GDA: variants seen among roughly 807,000 people sequenced by gnomAD.
GDA encodes the protein guanine deaminase.
GDA carries 18 observed loss-of-function variants against 59.6 expected under a neutral mutation model. The observed-to-expected ratio is 0.30, with a 90% CI of 0.21 to 0.45. GDA has a LOEUF of 0.45. GDA is among the 20% of genes least tolerant of loss of function. The pLI is 1.00. For synonymous variants in GDA, 201 were observed against 201.1 expected, an observed-to-expected ratio of 1.00 and a Z score of 0.00; for missense variants, 427 against 552.3, an observed-to-expected ratio of 0.77 and a Z score of 2.27.
intron 1 of GDA, among the ~76,000 whole-genome samples, chr9:72,154,549 G>A (rs1827663387): frequency 6.6e-6 from 1 of 152,154 alleles, no homozygotes; most frequent in South Asian, 2.1e-4. Context: ...TATTCTCACT[G>A]CTTATGTCAT....
At chr9:72,226,559 A>G (rs1352945145) in intron 8 of GDA, among the ~76,000 whole-genome samples, 1 of 152,206 alleles carries the variant, frequency 6.6e-6, no homozygotes, top group Non-Finnish European at 1.5e-5. Context: ...CCTCATTACA[A>G]TAATGTACTA....
In GDA at chr9:72,139,699, C is replaced by T. The variant is rs112750768; in HGVS notation, c.-100+24866C>T. 2.7e-3 allele frequency among the ~76,000 whole-genome samples: 408 copies of T among 152,218 alleles called. 1 individual carries two copies. Among genetic ancestry groups the T allele is most frequent in the Non-Finnish European group, 4.9e-3 (335 of 67,998 alleles). On this transcript the variant is annotated intron_variant, in intron 1 of 13. Transcript: ENST00000545168. ...CCATTATTCATTTCATCTTTTTACCCTTCCTCCTGTGATTCTTAGTGTGAG... is the reference window on the plus strand; with the variant it reads ...CCATTATTCATTTCATCTTTTTACCTTTCCTCCTGTGATTCTTAGTGTGAG...
At chr9:72,172,285 G>A (rs1304194247) in intron 1 of GDA, among the ~76,000 whole-genome samples, 2 of 151,376 alleles carry the variant, frequency 1.3e-5, no homozygotes, top group Admixed American at 1.3e-4. Context: ...GTCTGATTTT[G>A]CTAGAAAAAT....
intron 1 of GDA, among the ~76,000 whole-genome samples, chr9:72,149,954 G>A (rs973153369): frequency 6.6e-6 from 1 of 152,218 alleles, no homozygotes; most frequent in Admixed American, 6.5e-5. Flanking sequence ...AGAGCCGGGA[G>A]CAAGGATGTC....
At chr9:72,188,174 G>A (rs777431124) in intron 1 of GDA, among the ~76,000 whole-genome samples, 3 of 152,202 alleles carry the variant, frequency 2.0e-5, no homozygotes, top group Non-Finnish European at 4.4e-5. Flanking sequence ...ATTCTAGTGT[G>A]GAACCAAGAG....
intron 1 of GDA, among the ~76,000 whole-genome samples, chr9:72,154,885 A>G (rs371739918): frequency 2.8e-4 from 42 of 152,310 alleles, no homozygotes; most frequent in African/African-American, 9.6e-4. Flanking sequence ...CTCATTCCTG[A>G]GCCAAACACT....
chr9:72,246,152 T>C (rs1440415678), intron 12 of GDA, among the ~76,000 whole-genome samples: 4 of 152,216 alleles, frequency 2.6e-5, no homozygotes, highest in Admixed American at 2.6e-4. Flanking sequence ...ATTTATTTAA[T>C]ATAAATTTTT....
downstream of GDA, chr9:72,257,676 C>G (rs1422748329): frequency 1.3e-5 from 2 of 152,662 alleles, no homozygotes; most frequent in African/African-American, 4.8e-5. Context: ...AATCCCAACA[C>G]TTTGGGAGGC....
Position 72,149,526 on chromosome 9 carries a change from GA to G in GDA, c.-33del, listed in dbSNP as rs1345570420. ...CGTCTCCGCCGCGTGCGCCCTCCTCGACCAGCAGACCCGCGCTGCGCTCCGC... is the reference window on the plus strand; with the variant it reads ...CGTCTCCGCCGCGTGCGCCCTCCTCGCCAGCAGACCCGCGCTGCGCTCCGC... On this transcript the variant is annotated 5_prime_UTR_variant, in exon 1 of 14. Coordinates refer to ENST00000358399, the MANE Select transcript of GDA (RefSeq NM_004293.5). 1 of 1,605,000 alleles carries G rather than the reference GA, an allele frequency of 6.2e-7. No individual in the cohort carries two copies. The highest frequency in any genetic ancestry group is 8.5e-7 in the Non-Finnish European group (1 of 1,177,940).
At chr9:72,118,269 A>T (rs58600551) in intron 1 of GDA, among the ~76,000 whole-genome samples, 1 of 122,744 alleles carries the variant, frequency 8.1e-6, no homozygotes, top group Non-Finnish European at 1.6e-5. Context: ...AAGAGACTCC[A>T]CCTCAAAAAA....
At chr9:72,221,064 T>G (rs1836790314) in intron 6 of GDA, among the ~76,000 whole-genome samples, 1 of 152,190 alleles carries the variant, frequency 6.6e-6, no homozygotes, top group Non-Finnish European at 1.5e-5. Context: ...GAGATTTAGA[T>G]GAAACTTTGT....
downstream of GDA, among the ~76,000 whole-genome samples, chr9:72,258,231 TG>T (rs1460404240): frequency 2.6e-5 from 4 of 151,894 alleles, no homozygotes. Context: ...GAGGATCACT[TG>T]GGCCTGAGAG....
intron 1 of GDA, among the ~76,000 whole-genome samples, chr9:72,189,446 G>A (rs896473136): frequency 2.2e-4 from 33 of 151,986 alleles, no homozygotes; most frequent in African/African-American, 8.0e-4. Context: ...CCAAAGTGCT[G>A]GGATTACAGG....
intron 1 of GDA, among the ~76,000 whole-genome samples, chr9:72,124,538 A>G (rs753281024): frequency 2.0e-5 from 3 of 152,190 alleles, no homozygotes; most frequent in Non-Finnish European, 4.4e-5. Flanking sequence ...TGTAGAAAAA[A>G]GGGCTTTAAT....
chr9:72,158,261 A>G (rs926059596), intron 1 of GDA, among the ~76,000 whole-genome samples: 1 of 152,088 alleles, frequency 6.6e-6, no homozygotes, highest in Admixed American at 6.6e-5. Flanking sequence ...ACTAGGACAA[A>G]TTTTCTGACA....
Position 72,210,672 on chromosome 9 carries a change from G to C in GDA, c.385-15G>C. ...TGAGCACACGTGATTCGCGGTTTTT[G>C]TGATTTATTTTTAGAGGAGAACACT... On this transcript the variant is annotated splice_polypyrimidine_tract_variant and intron_variant, in intron 3 of 13. Coordinates refer to ENST00000358399, the MANE Select transcript of GDA (RefSeq NM_004293.5). The C allele has an allele frequency of 4.0e-6, 6 of 1,517,722 alleles. No homozygotes were observed. The highest frequency in any genetic ancestry group is 5.5e-6 in the Non-Finnish European group (6 of 1,092,458). The allele number at this position is 1,517,722 out of a possible 1,614,324, so 94.0% of individuals were successfully genotyped here. A position where few individuals can be genotyped will look rare whatever the true frequency, so the allele number is the denominator to read the frequency against.
intron 1 of GDA, among the ~76,000 whole-genome samples, chr9:72,156,874 A>C (rs1827953175): frequency 6.6e-6 from 1 of 152,108 alleles, no homozygotes; most frequent in Admixed American, 6.5e-5. Context: ...GGATACTCTC[A>C]TATGAAGAAA....
chr9:72,200,923 G>A (rs1017269149), intron 2 of GDA, among the ~76,000 whole-genome samples: 19 of 152,062 alleles, frequency 1.2e-4, no homozygotes, highest in Non-Finnish European at 2.6e-4. Context: ...GAATCTCAGC[G>A]CCAAAGCTGA....
chr9:72,229,193 A>T, intron 9 of GDA: 1 of 169,596 alleles, frequency 5.9e-6, no homozygotes, highest in South Asian at 1.8e-4. Flanking sequence ...AAAAAAAAAA[A>T]AAAAAATATT....
Sources: allele counts gnomAD v4.1 joint callset (sites outside exome capture counted in the v4.1 genomes callset), GRCh38; gene constraint gnomAD v4.1.1; transcripts MANE v1.5; gene names NCBI Gene and HGNC (gene_info 2026-07-23, HGNC 2026-07-21).